The following ADAR variants were observed in gnomAD, a reference collection of about 807,000 sequenced individuals.
The protein encoded by ADAR is double-stranded RNA-specific adenosine deaminase.
ADAR carries 41 observed loss-of-function variants against 113.2 expected under a neutral mutation model. The observed-to-expected ratio is 0.36, with a 90% confidence interval of 0.28 to 0.47. ADAR has a LOEUF of 0.47. ADAR is among the 20% of genes least tolerant of loss of function. The pLI is 1.00. For missense variants in ADAR, 1,242 were observed against 1,540.9 expected, an observed-to-expected ratio of 0.81 and a Z score of 3.25; for synonymous variants, 605 against 572.6, an observed-to-expected ratio of 1.06 and a Z score of -0.81.
chr1:154,598,433 G>A lies in ADAR; in HGVS notation c.1754C>T (p.Ser585Phe). The change falls in exon 3 of 15, where the codon TCC becomes TTC. Residue 585 changes from serine to phenylalanine, a missense_variant. By Grantham distance (155) the Ser-to-Phe change is radical. Around this residue, in one of 2 missense-constraint regions of ADAR, gnomAD observed 780 missense variants for 1,057.9 expected, o/e 0.74. Coordinates refer to ENST00000368474, the MANE Select transcript of ADAR (RefSeq NM_001111.5). ...AKDSGKSEESSHYSTEKESEK... is the reference protein window; with the variant it reads ...AKDSGKSEESFHYSTEKESEK... ...TGATTCTTTCTCTGTGGAATAGTGG[G>A]ATGATTCTTCTGATTTTCCACTGTC... 2.5e-6 allele frequency: 4 copies of A among 1,614,030 alleles called. No homozygotes were observed. Among genetic ancestry groups the A allele is most frequent in the Non-Finnish European group, 3.4e-6 (4 of 1,180,034 alleles).
At chr1:154,598,366 G>C (rs779048080) in intron 3 of ADAR, 36 bp downstream of exon 3, 3 of 1,607,628 alleles carry the variant, frequency 1.9e-6, no homozygotes, top group East Asian at 4.5e-5. Context: ...ACACTGACAG[G>C]GAACTGATCC....
chr1:154,621,347 G>T (rs1243556492), intron 1 of ADAR, among the ~76,000 whole-genome samples: 1 of 151,790 alleles, frequency 6.6e-6, no homozygotes, highest in Non-Finnish European at 1.5e-5. Context: ...ACAAGCAAAA[G>T]AAATCAAAAA....
intron 1 of ADAR, among the ~76,000 whole-genome samples, chr1:154,618,857 C>G (rs1698706846): frequency 6.6e-6 from 1 of 152,166 alleles, no homozygotes. Flanking sequence ...TGCCTGTAAT[C>G]TCAGCACTTT....
chr1:154,595,593 G>A (rs1571084044), intron 6 of ADAR, among the ~76,000 whole-genome samples: 1 of 152,106 alleles, frequency 6.6e-6, no homozygotes, highest in Non-Finnish European at 1.5e-5. Context: ...AGTACAACAT[G>A]TTTGTGTTTT....
At chr1:154,626,599 A>C (rs1430225724) in intron 1 of ADAR, among the ~76,000 whole-genome samples, 1 of 152,186 alleles carries the variant, frequency 6.6e-6, no homozygotes, top group African/African-American at 2.4e-5. Context: ...CCAATAGGAA[A>C]CCTTCAGCAA....
rs201205562 is a variant in ADAR at position 154,589,425 on chromosome 1, T to C, written c.2706A>G (p.Lys902=). 1.7e-5 allele frequency: 27 copies of C among 1,614,052 alleles called. No homozygotes were observed. The East Asian group carries it at 5.8e-4, about 35-fold the overall frequency. Residue 902 remains lysine, a synonymous_variant, in exon 9 of 15, where the codon AAA becomes AAG. Transcript: ENST00000368474. ...RCVKGDSLSL[K]GETVNDCHAE... ...CATGGCAGTCATTGACAGTTTCTCCTTTTAGGCTGAGAGAATCTCCTTTCA... is the reference window on the plus strand; with the variant it reads ...CATGGCAGTCATTGACAGTTTCTCCCTTTAGGCTGAGAGAATCTCCTTTCA...
intron 7 of ADAR, 43 bp downstream of exon 7, chr1:154,590,141 A>AG: frequency 1.4e-5 from 11 of 760,854 alleles, no homozygotes; most frequent in Admixed American, 2.0e-5. Context: ...AGTTAGGAGG[A>AG]CCCCCCCGCC....
upstream of ADAR, among the ~76,000 whole-genome samples, chr1:154,610,702 G>C (rs1162435188): frequency 6.6e-6 from 1 of 151,256 alleles, no homozygotes; most frequent in Non-Finnish European, 1.5e-5. Flanking sequence ...CCCAGCTACT[G>C]GGGAGGCTGA....
Position 154,597,169 on chromosome 1 carries a change from T to TTCATGGCTTCCTCTGCGGCCA in ADAR, c.2012_2032dup (p.Met671_Met677dup). ...GTTGGTCGCCTCCCCATGCAGGGCCTTCATGGCTTCCTCTGCGGCCATCTG... is the reference window on the plus strand; with the variant it reads ...GTTGGTCGCCTCCCCATGCAGGGCCTTCATGGCTTCCTCTGCGGCCATCATGGCTTCCTCTGCGGCCATCTG... On this transcript the variant is annotated inframe_insertion, in exon 5 of 15. Coordinates refer to ENST00000368474, the MANE Select transcript of ADAR (RefSeq NM_001111.5). The TTCATGGCTTCCTCTGCGGCCA allele has an allele frequency of 6.2e-7, 1 of 1,614,228 alleles. No individual in the cohort carries two copies. Among genetic ancestry groups the TTCATGGCTTCCTCTGCGGCCA allele is most frequent in the Non-Finnish European group, 8.5e-7 (1 of 1,180,042 alleles).
At chr1:154,593,135 CAAAAAAAA>C (rs66567439) in intron 6 of ADAR, among the ~76,000 whole-genome samples, 799 of 74,702 alleles carry the variant, frequency 0.011, 6 homozygotes, top group Middle Eastern at 0.026. Flanking sequence ...ACTCCATCTC[CAAAAAAAA>C]AAAAAAAAAA....
At position 154,589,928 on chromosome 1, in the gene ADAR, G is replaced by A; in HGVS notation, c.2497C>T (p.Leu833Phe). ...TGGAAGGTGCTGCCAGTGAGAGGGA[G>A]CTGTGGGGAAAAGAGGCTGTGTCAG... Reference protein sequence around the residue: ...SRSPEAQPKTLPLTGSTFHDQ... With the variant: ...SRSPEAQPKTFPLTGSTFHDQ... Residue 833 changes from leucine (L) to phenylalanine (F), a missense_variant and splice_region_variant, in exon 8 of 15, where the codon CTC becomes TTC. Physicochemically the swap from Leu to Phe is conservative, Grantham distance 22. Around this residue, in one of 2 missense-constraint regions of ADAR, gnomAD observed 780 missense variants for 1,057.9 expected, o/e 0.74. Coordinates refer to ENST00000368474, the MANE Select transcript of ADAR (RefSeq NM_001111.5). 6.2e-7 allele frequency: 1 copy of A among 1,614,022 alleles called. No individual in the cohort carries two copies. The highest frequency in any genetic ancestry group is 8.5e-7 in the Non-Finnish European group (1 of 1,180,038).
rs1317288861 is a variant in ADAR at position 154,583,424 on chromosome 1, A to C, written c.*1382T>G. 6.6e-6 allele frequency: 1 copy of C among 152,222 alleles called. No individual in the cohort carries two copies. Among genetic ancestry groups the C allele is most frequent in the East Asian group, 1.9e-4 (1 of 5,204 alleles). The allele number at this position is 152,222 out of a possible 1,614,324, so 9.4% of individuals were successfully genotyped here. A position where few individuals can be genotyped will look rare whatever the true frequency, so the allele number is the denominator to read the frequency against. ...TTCAAAGAATGCACAGGAGCCAGAGAGCCAGACTCCACAGAGAGGCCAAAG... is the reference window on the plus strand; with the variant it reads ...TTCAAAGAATGCACAGGAGCCAGAGCGCCAGACTCCACAGAGAGGCCAAAG... On this transcript the variant is annotated 3_prime_UTR_variant, in exon 15 of 15. Coordinates refer to ENST00000368474, the MANE Select transcript of ADAR (RefSeq NM_001111.5).
chr1:154,600,396 T>C (rs777087688), intron 2 of ADAR: 2 of 154,960 alleles, frequency 1.3e-5, no homozygotes, highest in Admixed American at 6.3e-5. Flanking sequence ...CCTCACCTCA[T>C]GATCTGCCTG....
At chr1:154,611,661 C>T (rs777436152), upstream of ADAR, among the ~76,000 whole-genome samples, 12 of 152,318 alleles carry the variant, frequency 7.9e-5, no homozygotes, top group Admixed American at 2.6e-4. Context: ...CCGTGCGTAA[C>T]GGCACTGCCA....
In ADAR at chr1:154,601,062, C is replaced by A; in HGVS notation, c.1580G>T (p.Ser527Ile). Residue 527 changes from serine to isoleucine, a missense_variant, in exon 2 of 15, where the codon AGT (serine) becomes ATT (isoleucine). By Grantham distance (142) the Ser-to-Ile change is moderately radical. Around this residue, in one of 2 missense-constraint regions of ADAR, gnomAD observed 780 missense variants for 1,057.9 expected, o/e 0.74. Coordinates refer to ENST00000368474, the MANE Select transcript of ADAR (RefSeq NM_001111.5). This position sits in a 1 kb window ranked among gnomAD's most constrained non-coding sequence, Gnocchi z 4.7. ...TTACCGAGGTTCATGGGGTGGTCCA[C>A]TCTGCTCTATCATGTTGAACTCACA... ...QTCEFNMIEQSGPPHEPRFKF... is the reference protein window; with the variant it reads ...QTCEFNMIEQIGPPHEPRFKF... 6.2e-7 allele frequency: 1 copy of A among 1,614,208 alleles called. No individual in the cohort carries two copies. The highest frequency in any genetic ancestry group is 8.5e-7 in the Non-Finnish European group (1 of 1,180,046).
Position 154,590,273 on chromosome 1 carries a change from C to A in ADAR, c.2407G>T (p.Gly803Cys), listed in dbSNP as rs1277475981. The A allele has an allele frequency of 6.8e-6, 11 of 1,613,888 alleles. No homozygotes were observed. In the African/African-American group the frequency reaches 8.0e-5, roughly 12 times the overall value. Residue 803 changes from glycine (G) to cysteine (C), a missense_variant, in exon 7 of 15, where the codon GGT becomes TGT. Gly to Cys is a radical substitution (Grantham distance 159). This residue lies in a region of ADAR where 780 missense variants were observed against 1,057.9 expected (regional missense o/e 0.74). Transcript: ENST00000368474. ...GTCACTGGGGTTACCTCTGTGAAAC[C>A]CATGCGTTCTGCCTTCTCGTTCTCC... Reference protein sequence around the residue: ...IGENEKAERMGFTEVTPVTGA... With the variant: ...IGENEKAERMCFTEVTPVTGA...
chr1:154,588,320 C>T, intron 10 of ADAR, 62 bp from the exon 11 acceptor site: 1 of 1,611,478 alleles, frequency 6.2e-7, no homozygotes, highest in Non-Finnish European at 8.5e-7. Flanking sequence ...CGTGGGGCTC[C>T]AAAACAGTCA....
chr1:154,615,238 A>G (rs1267951680), intron 1 of ADAR, among the ~76,000 whole-genome samples: 1 of 152,222 alleles, frequency 6.6e-6, no homozygotes, highest in Non-Finnish European at 1.5e-5. Context: ...TACAGCAGAC[A>G]GCCACGGGAA....
chr1:154,585,372 A>G lies in ADAR; in HGVS notation c.3316-28T>C, dbSNP rs145162100. 2.1e-4 allele frequency: 338 copies of G among 1,613,978 alleles called. 2 individuals carry two copies. The highest frequency in any genetic ancestry group is 2.0e-5 in the Non-Finnish European group (24 of 1,179,942). On this transcript the variant is annotated intron_variant, in intron 13 of 14. Transcript: ENST00000368474. ...AGGAATCCCAGAAGCAACGGGAGAAAGATGGAAACCTTTCAGGAATAAGAT... is the reference window on the plus strand; with the variant it reads ...AGGAATCCCAGAAGCAACGGGAGAAGGATGGAAACCTTTCAGGAATAAGAT...
Sources: gnomAD v4.1 joint callset for allele counts (sites outside exome capture counted in the v4.1 genomes callset) on GRCh38, gnomAD v4.1.1 for gene constraint, gnomAD v4.1.1 regional missense constraint, Gnocchi (gnomAD v3.1) non-coding constraint, MANE v1.5 for transcripts, NCBI Gene and HGNC (gene_info 2026-07-23, HGNC 2026-07-21) for gene names.